Variants in EML6 observed in about 807,000 individuals in gnomAD.
The protein encoded by EML6 is EMAP like 6, also known as echinoderm microtubule-associated protein-like 6.
In EML6, 154 loss-of-function variants were observed where a neutral mutation model predicts 240.1. That is an observed-to-expected ratio of 0.64 (90% CI 0.56 to 0.73). EML6 has a LOEUF of 0.73. Among genes scored for constraint, EML6 ranks in the 30% least tolerant of loss-of-function variants. EML6 has a pLI of 0.00. For missense variants in EML6, 2,964 were observed against 2,474.6 expected, an observed-to-expected ratio of 1.20 and a Z score of -4.20; for synonymous variants, 1,148 against 899.0, an observed-to-expected ratio of 1.28 and a Z score of -4.95.
Position 54,964,145 on chromosome 2 carries a change from A to T in EML6, c.5317A>T (p.Ile1773Phe). The change falls in exon 37 of 42, where the codon ATC (isoleucine) becomes TTC (phenylalanine). Residue 1773 changes from isoleucine (I) to phenylalanine (F), a missense_variant. Physicochemically the swap from Ile to Phe is conservative, Grantham distance 21. Transcript: ENST00000356458. The stretch of plus-strand genomic sequence containing the variant: ...GAAAAAACGAGACCGGAAATCTGCT[A>T]TCCAAGATATCAGGTACCTAAGTGG... The part of the protein sequence containing the change: ...WGKKRDRKSA[I>F]QDIRISPDNR... The T allele has an allele frequency of 6.4e-7, 1 of 1,551,638 alleles. No homozygotes were observed. The highest frequency in any genetic ancestry group is 8.7e-7 in the Non-Finnish European group (1 of 1,146,944).
intron 24 of EML6, among the ~76,000 whole-genome samples, chr2:54,907,686 G>T (rs781083361): frequency 4.6e-5 from 7 of 152,128 alleles, no homozygotes; most frequent in Non-Finnish European, 7.3e-5. Flanking sequence ...AAAGCTCTAT[G>T]GTACCCGCAA....
In EML6 at chr2:54,903,435, A is replaced by G; in HGVS notation, c.3342A>G (p.Thr1114=). 2 of 1,551,952 alleles carry G rather than the reference A, an allele frequency of 1.3e-6. No individual in the cohort carries two copies. The highest frequency in any genetic ancestry group is 1.7e-6 in the Non-Finnish European group (2 of 1,146,978). The change falls in exon 24 of 42, where the codon ACA becomes ACG. Residue 1114 remains threonine (T), a synonymous_variant. Transcript: ENST00000356458. ...TTGTGGATATTTACAACGTACTTAC[A>G]AGCAAAAGGGTTGGCATCTGTAAAG... ...DNFVDIYNVL[T]SKRVGICKGA... is the part of the protein sequence containing the mutation.
chr2:54,793,645 C>G (rs1440205717), intron 2 of EML6, among the ~76,000 whole-genome samples: 2 of 152,142 alleles, frequency 1.3e-5, no homozygotes, highest in Admixed American at 6.6e-5. Flanking sequence ...CAACAGTACC[C>G]CAGTTCTTTT....
At position 54,905,852 on chromosome 2, in the gene EML6, A is replaced by G. The variant is rs144470617; in HGVS notation, c.3409+2350A>G. Among the ~76,000 whole-genome samples the G allele has an allele frequency of 2.4e-3, 372 of 152,300 alleles. 1 individual carries two copies. Among genetic ancestry groups the G allele is most frequent in the Middle Eastern group, 6.8e-3 (2 of 294 alleles). The stretch of plus-strand genomic sequence containing the variant: ...TCTCAAGATTCCTCCATGTTGTAGC[A>G]TGTGTCAGAATTTCCTTACTTTAAA... On this transcript the variant is annotated intron_variant, in intron 24 of 41. Coordinates refer to ENST00000356458, the MANE Select transcript of EML6 (RefSeq NM_001039753.4).
chr2:54,764,314 A>G (rs1217066461), intron 2 of EML6, among the ~76,000 whole-genome samples: 2 of 152,228 alleles, frequency 1.3e-5, no homozygotes, highest in Non-Finnish European at 2.9e-5. Flanking sequence ...AAGTTGGAAA[A>G]TTCAAATGAG....
At chr2:54,907,006 C>G (rs1352954956) in intron 24 of EML6, among the ~76,000 whole-genome samples, 1 of 152,158 alleles carries the variant, frequency 6.6e-6, no homozygotes, top group Non-Finnish European at 1.5e-5. Context: ...GCCTCAGCAG[C>G]CTCTTGTGCC....
intron 11 of EML6, among the ~76,000 whole-genome samples, chr2:54,857,908 A>C (rs1405274137): frequency 1.3e-5 from 2 of 152,248 alleles, no homozygotes; most frequent in African/African-American, 4.8e-5. Flanking sequence ...TATTAATGAC[A>C]TTAATGCTTT....
intron 28 of EML6, among the ~76,000 whole-genome samples, chr2:54,940,452 C>G (rs748644301): frequency 9.9e-5 from 15 of 152,128 alleles, no homozygotes; most frequent in Non-Finnish European, 2.2e-4. Flanking sequence ...TCTGTGGCGT[C>G]AATATAAAAT....
rs746553279 is a variant in EML6, at chr2:54,960,292, C to T, written c.4926C>T (p.Thr1642=). The change falls in exon 35 of 42, where the codon ACC becomes ACT. Residue 1642 remains threonine (T), a synonymous_variant. Transcript: ENST00000356458. ...GCTGCCGGGCCTTTCAGCTGGAGAC[C>T]GGGCAGCTGGTGGAGTGTGTGCGCT... ...MKRCRAFQLE[T]GQLVECVRSV... 12 of 1,551,180 alleles carry T rather than the reference C, an allele frequency of 7.7e-6. No homozygotes were observed. Among genetic ancestry groups the T allele is most frequent in the South Asian group, 5.9e-5 (5 of 84,054 alleles).
chr2:54,955,268 T>C (rs151177263), intron 32 of EML6, among the ~76,000 whole-genome samples: 38 of 152,272 alleles, frequency 2.5e-4, no homozygotes, highest in African/African-American at 7.7e-4. Context: ...CCCAGAGAAA[T>C]TGAGCATCTT....
intron 7 of EML6, among the ~76,000 whole-genome samples, chr2:54,838,826 C>T (rs1474986328): frequency 6.6e-6 from 1 of 152,174 alleles, no homozygotes; most frequent in East Asian, 1.9e-4. Context: ...AATGTGGACA[C>T]CTCATCTGTG....
chr2:54,931,018 C>A (rs888049982), intron 28 of EML6, among the ~76,000 whole-genome samples: 2 of 132,930 alleles, frequency 1.5e-5, no homozygotes, highest in South Asian at 2.4e-4. Context: ...AGTGCAGTGG[C>A]GCGATCTCGG....
intron 35 of EML6, 45 bp from the exon 36 acceptor site, chr2:54,962,478 C>A: frequency 2.1e-6 from 3 of 1,420,850 alleles, no homozygotes; most frequent in South Asian, 2.9e-5. Context: ...TGAGTGCAGT[C>A]ATACAGTATT....
At position 54,928,756 on chromosome 2, in the gene EML6, G is replaced by A. The variant is rs1379020054; in HGVS notation, c.4004+5G>A. 1 of 1,551,628 alleles carries A rather than the reference G, an allele frequency of 6.4e-7. No homozygotes were observed. The highest frequency in any genetic ancestry group is 8.7e-7 in the Non-Finnish European group (1 of 1,147,016). On this transcript the variant is annotated splice_donor_5th_base_variant and intron_variant, in intron 28 of 41. Transcript: ENST00000356458. ...GGAAGTTTCCGTGGAAGAAAGGTAT[G>A]GTGTTGCCAGGTTTGCTTGCTTTTA... is the stretch of plus-strand genomic sequence containing the variant.
chr2:54,967,221 T>C lies in EML6; in HGVS notation c.5597+118T>C, dbSNP rs1459036335. 7.4e-6 allele frequency: 5 copies of C among 677,934 alleles called. No individual in the cohort carries two copies. In the African/African-American group the frequency reaches 9.1e-5, roughly 12 times the overall value. 42.0% of individuals were successfully genotyped at this position (677,934 alleles called of 1,614,324 possible). ...AGAAGCTGAGAAATGGAGCTGTCTT[T>C]TCTTTTGGGGGTGAGGGTGGGAGGC... On this transcript the variant is annotated intron_variant, in intron 39 of 41. Coordinates refer to ENST00000356458, the MANE Select transcript of EML6 (RefSeq NM_001039753.4).
chr2:54,850,277 G>A (rs951365235), intron 10 of EML6, 59 bp downstream of exon 10: 25 of 1,454,522 alleles, frequency 1.7e-5, no homozygotes, highest in South Asian at 3.8e-5. Context: ...CCAGGTGAAG[G>A]AAATACAGGA....
intron 11 of EML6, among the ~76,000 whole-genome samples, chr2:54,855,467 C>CCG (rs1403903890): frequency 7.1e-6 from 1 of 141,340 alleles, no homozygotes; most frequent in Non-Finnish European, 1.5e-5. Context: ...TGCCCCCCCC[C>CCG]CGCCCTCTAA....
chr2:54,968,266 A>G lies in EML6; in HGVS notation c.5736A>G (p.Pro1912=), dbSNP rs894900521. 1 of 1,551,734 alleles carries G rather than the reference A, an allele frequency of 6.4e-7. No homozygotes were observed. Among genetic ancestry groups the G allele is most frequent in the Non-Finnish European group, 8.7e-7 (1 of 1,147,010 alleles). ...DFGLVKLFDF[P]CTEKFAKHKR... ...GGCTGGTGAAGCTCTTTGATTTTCC[A>G]TGCACAGAAAAATTTGTGAGTGTTC... Residue 1912 remains proline, a synonymous_variant, in exon 40 of 42, where the codon CCA becomes CCG. Transcript: ENST00000356458.
In EML6 at chr2:54,778,617, A is replaced by G. The variant is rs1668700726; in HGVS notation, c.198-34615A>G. The stretch of plus-strand genomic sequence containing the variant: ...AGAAGTGCATTGTTAGGCCGGGCGC[A>G]GTAGCTCACACCTGTAATCCCAGCA... On this transcript the variant is annotated intron_variant, in intron 2 of 41. Transcript: ENST00000356458. Among the ~76,000 whole-genome samples the G allele has an allele frequency of 2.6e-5, 4 of 152,144 alleles. No individual in the cohort carries two copies. In the South Asian group the frequency reaches 8.3e-4, roughly 32 times the overall value.
Sources: gnomAD v4.1 joint callset for allele counts (sites outside exome capture counted in the v4.1 genomes callset) on GRCh38, gnomAD v4.1.1 for gene constraint, MANE v1.5 for transcripts, NCBI Gene and HGNC (gene_info 2026-07-23, HGNC 2026-07-21) for gene names.